The following ACVR2A variants were observed in gnomAD, a reference collection of about 807,000 sequenced individuals.
ACVR2A encodes activin receptor type-2A.
In ACVR2A, 7 loss-of-function variants were observed where a neutral mutation model predicts 61.4. The observed-to-expected ratio is 0.11, with a 90% CI of 0.06 to 0.21. ACVR2A has a LOEUF of 0.21. Among genes scored for constraint, ACVR2A ranks in the 10% least tolerant of loss-of-function variants. ACVR2A has a pLI of 1.00. For synonymous variants in ACVR2A, 193 were observed against 208.3 expected (o/e 0.93, Z 0.63); for missense variants, 322 against 621.7 (o/e 0.52, Z 5.13).
intron 4 of ACVR2A, among the ~76,000 whole-genome samples, chr2:147,905,401 A>G (rs1348828643): frequency 6.6e-6 from 1 of 152,006 alleles, no homozygotes; most frequent in Non-Finnish European, 1.5e-5. Flanking sequence ...AATTTTGTAT[A>G]TTTAAGGTGT....
intron 1 of ACVR2A, among the ~76,000 whole-genome samples, chr2:147,889,595 A>G (rs1686530291): frequency 6.6e-6 from 1 of 151,828 alleles, no homozygotes; most frequent in Admixed American, 6.6e-5. Flanking sequence ...ATACAAAAAA[A>G]AATTAGCCAA....
intron 2 of ACVR2A, among the ~76,000 whole-genome samples, chr2:147,898,733 A>G (rs933249001): frequency 1.1e-4 from 17 of 152,054 alleles, no homozygotes; most frequent in African/African-American, 4.1e-4. Flanking sequence ...TCTTTTCATG[A>G]CTTAAGGTCC....
chr2:147,868,571 T>C (rs13000597), intron 1 of ACVR2A, among the ~76,000 whole-genome samples: 49,823 of 151,564 alleles, frequency 0.33, 8,463 homozygotes, highest in East Asian at 0.52. Context: ...ATCTGTTCCC[T>C]GCCCCCCCCA....
intron 2 of ACVR2A, chr2:147,897,184 T>C (rs1009491313): frequency 6.6e-6 from 1 of 151,914 alleles, no homozygotes; most frequent in Non-Finnish European, 1.5e-5. Flanking sequence ...AGTTTTGTAT[T>C]TTTAGTAGAT....
chr2:147,844,526 A>G (rs2105121750), upstream of ACVR2A: 1 of 148,214 alleles, frequency 6.7e-6, no homozygotes, highest in Middle Eastern at 3.5e-3. Flanking sequence ...CAGGAGACCG[A>G]AAACGCGGCC....
intron 1 of ACVR2A, among the ~76,000 whole-genome samples, chr2:147,862,515 G>A (rs1407006644): frequency 3.9e-5 from 6 of 152,040 alleles, no homozygotes; most frequent in Admixed American, 3.9e-4. Context: ...AGGCAGAGGC[G>A]GGCAGATCAC....
rs185031521 is a variant in ACVR2A, at chr2:147,907,025, G to T, written c.528+7127G>T. On this transcript the variant is annotated intron_variant, in intron 4 of 10. Transcript: ENST00000241416. Reference sequence around the variant, plus strand: ...CCCTTGACAGGCCCCAGTGTACGTTGTTCACCTCCCTGTGTCCATGTGTTC... The same window carrying T: ...CCCTTGACAGGCCCCAGTGTACGTTTTTCACCTCCCTGTGTCCATGTGTTC... 1.1e-3 allele frequency among the ~76,000 whole-genome samples: 172 copies of T among 151,982 alleles called. 1 individual carries two copies. The highest frequency in any genetic ancestry group is 4.0e-3 in the African/African-American group (165 of 41,450).
chr2:147,906,802 C>T (rs1214877802), intron 4 of ACVR2A, among the ~76,000 whole-genome samples: 1 of 147,194 alleles, frequency 6.8e-6, no homozygotes. Context: ...GGGGTTCTGT[C>T]CTGTTTATCA....
At position 147,858,998 on chromosome 2, in the gene ACVR2A, A is replaced by G. The variant is rs964890457; in HGVS notation, c.55+13791A>G. The stretch of plus-strand genomic sequence containing the variant: ...AGTTTGCCAATCTCTTGGACATTGT[A>G]TAGGTGGCATCCCTCCCCCACCTTA... On this transcript the variant is annotated intron_variant, in intron 1 of 10. Transcript: ENST00000241416. 6.6e-5 allele frequency among the ~76,000 whole-genome samples: 10 copies of G among 152,264 alleles called. No homozygotes were observed. The East Asian group carries it at 1.5e-3, about 24-fold the overall frequency.
chr2:147,876,023 A>G (rs1267678789), intron 1 of ACVR2A, among the ~76,000 whole-genome samples: 1 of 152,154 alleles, frequency 6.6e-6, no homozygotes, highest in East Asian at 1.9e-4. Flanking sequence ...TAGAATAGAC[A>G]GTGTACTTCT....
In ACVR2A at chr2:147,923,154, C is replaced by G. The variant is rs878886145; in HGVS notation, c.1216+43C>G. ...TTTTAAAAAAGATATATATGCCTAC[C>G]ACACATATATGAAAAGGGATGATAC... On this transcript the variant is annotated intron_variant, in intron 9 of 10. Transcript: ENST00000241416. 1.9e-6 allele frequency: 3 copies of G among 1,563,496 alleles called. No homozygotes were observed. In the East Asian group the frequency reaches 6.7e-5, roughly 35 times the overall value.
Position 147,929,599 on chromosome 2 carries a change from TAAG to T in ACVR2A, c.*2328_*2330del, listed in dbSNP as rs1368265197. 4 of 152,502 alleles carry T rather than the reference TAAG, an allele frequency of 2.6e-5. No individual in the cohort carries two copies. The highest frequency in any genetic ancestry group is 9.6e-5 in the African/African-American group (4 of 41,516). 9.4% of individuals were successfully genotyped at this position (152,502 alleles called of 1,614,324 possible). On this transcript the variant is annotated 3_prime_UTR_variant, in exon 11 of 11. Transcript: ENST00000241416. ...GAAAAACTTTTTATAAGCAGTAAAA[TAAG>T]AATGTTCCAGTGACTACCTGTCCTT...
At chr2:147,893,058 C>T (rs1344295947) in intron 1 of ACVR2A, among the ~76,000 whole-genome samples, 1 of 152,224 alleles carries the variant, frequency 6.6e-6, no homozygotes, top group African/African-American at 2.4e-5. Flanking sequence ...TTCCTCATGC[C>T]CTTTTGTAAT....
chr2:147,921,992 A>T (rs1558815065), intron 8 of ACVR2A, among the ~76,000 whole-genome samples: 1 of 152,168 alleles, frequency 6.6e-6, no homozygotes, highest in Non-Finnish European at 1.5e-5. Flanking sequence ...GGAACATTTT[A>T]TGTCAACATG....
intron 9 of ACVR2A, 106 bp downstream of exon 9, chr2:147,923,217 A>G: frequency 7.9e-7 from 1 of 1,261,300 alleles, no homozygotes; most frequent in Non-Finnish European, 1.1e-6. Context: ...TTTTTTTTTA[A>G]TTGACTCCAA....
At chr2:147,849,550 G>C (rs892996945) in intron 1 of ACVR2A, among the ~76,000 whole-genome samples, 1 of 152,094 alleles carries the variant, frequency 6.6e-6, no homozygotes, top group Admixed American at 6.5e-5. Flanking sequence ...AATATTTTAT[G>C]ATCTATTGCA....
intron 1 of ACVR2A, among the ~76,000 whole-genome samples, chr2:147,887,029 A>G (rs1270057841): frequency 6.6e-6 from 1 of 151,930 alleles, no homozygotes; most frequent in African/African-American, 2.4e-5. Context: ...TGGGCAAAAT[A>G]GCAAGACCTT....
intron 4 of ACVR2A, among the ~76,000 whole-genome samples, chr2:147,901,762 C>A (rs1049562154): frequency 6.6e-6 from 1 of 152,010 alleles, no homozygotes; most frequent in African/African-American, 2.4e-5. Flanking sequence ...TGACTTTATG[C>A]TTTCCTTCTG....
intron 1 of ACVR2A, among the ~76,000 whole-genome samples, chr2:147,867,246 A>G (rs752985773): frequency 2.6e-5 from 4 of 152,142 alleles, no homozygotes; most frequent in Admixed American, 6.5e-5. Context: ...GCTGTGGTCT[A>G]TTACTTTTCA....
Sources: gnomAD v4.1 joint callset for allele counts (sites outside exome capture counted in the v4.1 genomes callset) on GRCh38, gnomAD v4.1.1 for gene constraint, MANE v1.5 for transcripts, NCBI Gene and HGNC (gene_info 2026-07-23, HGNC 2026-07-21) for gene names.